The following ARHGEF11 variants were observed in gnomAD, a reference collection of about 807,000 sequenced individuals.
The protein encoded by ARHGEF11 is Rho guanine exchange factor (GEF) 11.
A neutral mutation model predicts 193.7 loss-of-function variants in ARHGEF11; 55 were observed. The observed-to-expected ratio is 0.28, with a 90% CI of 0.23 to 0.36. The LOEUF (loss-of-function observed/expected upper bound fraction) is 0.36. Among genes scored for constraint, ARHGEF11 ranks in the 10% least tolerant of loss-of-function variants. ARHGEF11 has a pLI of 1.00. For missense variants in ARHGEF11, 1,723 were observed against 2,005.6 expected, an observed-to-expected ratio of 0.86 and a Z score of 2.69; for synonymous variants, 693 against 768.0, an observed-to-expected ratio of 0.90 and a Z score of 1.62.
At chr1:157,006,474 C>T (rs1230804381) in intron 1 of ARHGEF11, among the ~76,000 whole-genome samples, 1 of 4,058 alleles carries the variant, frequency 2.5e-4, no homozygotes, top group Non-Finnish European at 0.011. Flanking sequence ...ATGTATTCCA[C>T]CAAAAGCACC....
chr1:156,947,089 G>A (rs1229038689), intron 26 of ARHGEF11, 74 bp from the exon 27 acceptor site: 2 of 1,560,900 alleles, frequency 1.3e-6, no homozygotes, highest in Non-Finnish European at 1.8e-6. Flanking sequence ...ACAGAGAGAA[G>A]TGAATCTCTG....
At chr1:156,958,939 A>G (rs1355333338) in intron 16 of ARHGEF11, 75 bp from the exon 17 acceptor site, 2 of 1,610,060 alleles carry the variant, frequency 1.2e-6, no homozygotes, top group Admixed American at 1.7e-5. Flanking sequence ...AAAGAACAAG[A>G]CAAACACATA....
intron 1 of ARHGEF11, among the ~76,000 whole-genome samples, chr1:157,006,537 G>GA (rs1404358164): frequency 6.6e-6 from 1 of 151,966 alleles, no homozygotes; most frequent in Non-Finnish European, 1.5e-5. Flanking sequence ...CCTGGGCTTA[G>GA]AAAAAAAGGG....
intron 1 of ARHGEF11, among the ~76,000 whole-genome samples, chr1:156,996,562 AG>A (rs113791280): frequency 6.6e-6 from 1 of 152,018 alleles, no homozygotes; most frequent in African/African-American, 2.4e-5. Context: ...TCACGAGGTC[AG>A]GAGATTGAGA....
intron 1 of ARHGEF11, among the ~76,000 whole-genome samples, chr1:157,022,799 T>A (rs1670154490): frequency 1.3e-5 from 2 of 152,206 alleles, no homozygotes; most frequent in African/African-American, 2.4e-5. Context: ...AGTACTGGCA[T>A]AATGACAGAG....
intron 21 of ARHGEF11, among the ~76,000 whole-genome samples, chr1:156,952,063 C>T (rs1403591653): frequency 6.6e-6 from 1 of 152,062 alleles, no homozygotes; most frequent in African/African-American, 2.4e-5. Flanking sequence ...GCCAGGAAGA[C>T]CAAAGCACAT....
chr1:156,982,568 A>G (rs1379322938), intron 3 of ARHGEF11, among the ~76,000 whole-genome samples: 2 of 151,616 alleles, frequency 1.3e-5, no homozygotes, highest in African/African-American at 2.4e-5. Context: ...CACACACACA[A>G]CTCTCACACA....
chr1:156,961,820 C>T, intron 13 of ARHGEF11, 45 bp from the exon 14 acceptor site: 1 of 1,575,748 alleles, frequency 6.3e-7, no homozygotes, highest in Non-Finnish European at 8.7e-7. Flanking sequence ...TCTCCCCCAG[C>T]AGTGATTTTG....
chr1:157,030,477 T>C (rs1671163441), intron 1 of ARHGEF11, among the ~76,000 whole-genome samples: 1 of 152,138 alleles, frequency 6.6e-6, no homozygotes, highest in Non-Finnish European at 1.5e-5. Flanking sequence ...GACAAGGAAA[T>C]TGTATTGGGA....
chr1:157,007,983 A>T (rs1013437354), intron 1 of ARHGEF11, among the ~76,000 whole-genome samples: 2 of 148,166 alleles, frequency 1.3e-5, no homozygotes, highest in East Asian at 4.0e-4. Context: ...AGTTCCTGGA[A>T]CACCGTAGAT....
At chr1:156,971,568 T>C in intron 8 of ARHGEF11, 129 bp downstream of exon 8, 1 of 1,248,034 alleles carries the variant, frequency 8.0e-7, no homozygotes, top group Middle Eastern at 2.1e-4. Context: ...TGTAAAATAC[T>C]AAACACTTAC....
chr1:156,993,002 A>C (rs1364740709), intron 1 of ARHGEF11, among the ~76,000 whole-genome samples: 2 of 152,374 alleles, frequency 1.3e-5, no homozygotes, highest in East Asian at 3.9e-4. Flanking sequence ...TGTGTAAATG[A>C]GGACAAGGCC....
chr1:157,013,782 T>C (rs931037610), intron 1 of ARHGEF11, among the ~76,000 whole-genome samples: 13 of 152,192 alleles, frequency 8.5e-5, no homozygotes, highest in Non-Finnish European at 1.8e-4. Context: ...CTCACCACAT[T>C]TGCTCTTCTT....
chr1:157,028,128 G>A (rs576958718), intron 1 of ARHGEF11, among the ~76,000 whole-genome samples: 1 of 152,278 alleles, frequency 6.6e-6, no homozygotes, highest in East Asian at 1.9e-4. Context: ...CAAAATAAAT[G>A]ATTAGAATTA....
chr1:157,020,175 G>T (rs1040374526), intron 1 of ARHGEF11, among the ~76,000 whole-genome samples: 1 of 151,954 alleles, frequency 6.6e-6, no homozygotes, highest in Non-Finnish European at 1.5e-5. Flanking sequence ...GGAACATGAG[G>T]AAACTTTTGG....
At chr1:157,010,595 G>C (rs377682859) in intron 1 of ARHGEF11, among the ~76,000 whole-genome samples, 942 of 8,382 alleles carry the variant, frequency 0.11, 9 homozygotes, top group South Asian at 0.25. Context: ...TTTTTGTAGA[G>C]ATGGGTCTTG....
intron 1 of ARHGEF11, among the ~76,000 whole-genome samples, chr1:157,030,146 GTA>G: frequency 6.6e-6 from 1 of 152,128 alleles, no homozygotes; most frequent in Non-Finnish European, 1.5e-5. Context: ...TTATGGTATT[GTA>G]TATCTCAATA....
chr1:156,992,459 T>C (rs1340989992), intron 1 of ARHGEF11, among the ~76,000 whole-genome samples: 1 of 152,176 alleles, frequency 6.6e-6, no homozygotes, highest in Non-Finnish European at 1.5e-5. Context: ...ACAGAGCAGG[T>C]GCCTTCTAAC....
At chr1:157,028,507 T>C (rs373140317) in intron 1 of ARHGEF11, among the ~76,000 whole-genome samples, 35 of 152,132 alleles carry the variant, frequency 2.3e-4, no homozygotes, top group African/African-American at 6.8e-4. Flanking sequence ...GACTGCAACA[T>C]GATGGCGAGT....
Sources: allele counts gnomAD v4.1 joint callset (sites outside exome capture counted in the v4.1 genomes callset), GRCh38; gene constraint gnomAD v4.1.1; transcripts MANE v1.5; gene names NCBI Gene and HGNC (gene_info 2026-07-23, HGNC 2026-07-21).